HAPSTR1: variants seen among roughly 807,000 people sequenced by gnomAD.
The protein encoded by HAPSTR1 is HUWE1-associated protein modifying stress responses 1.
At chr16:9,092,644 G>C in the HAPSTR1 span, among the ~76,000 whole-genome samples, 1 of 150,438 alleles carries the variant, frequency 6.6e-6, no homozygotes, top group East Asian at 2.0e-4. Flanking sequence ...GCCTCGGGGC[G>C]GGGACTGCCA....
the HAPSTR1 span, chr16:9,112,261 G>T: frequency 1.3e-5 from 2 of 152,232 alleles, no homozygotes; most frequent in East Asian, 3.8e-4. Context: ...TTGTGCAAAA[G>T]GAGTGCTGTG....
chr16:9,102,756 C>G, the HAPSTR1 span, among the ~76,000 whole-genome samples: 6 of 151,730 alleles, frequency 4.0e-5, no homozygotes, highest in Admixed American at 3.3e-4. Flanking sequence ...TTTTAACAAG[C>G]CAAGCTCCAG....
At chr16:9,117,175 A>G in the HAPSTR1 span, 1 of 447,908 alleles carries the variant, frequency 2.2e-6, no homozygotes, top group Non-Finnish European at 4.0e-6. Flanking sequence ...GCAAACATAT[A>G]TCCGTTCCAA....
chr16:9,100,910 C>T, the HAPSTR1 span, among the ~76,000 whole-genome samples: 8 of 152,152 alleles, frequency 5.3e-5, no homozygotes, highest in East Asian at 1.9e-4. Flanking sequence ...GACTTTTTTT[C>T]CTCTGTTTCT....
chr16:9,109,899 G>C, the HAPSTR1 span: 2 of 152,092 alleles, frequency 1.3e-5, no homozygotes, highest in Non-Finnish European at 2.9e-5. Flanking sequence ...TGTGAATTTG[G>C]TGTTAGGAGT....
At chr16:9,119,524 T>C in the HAPSTR1 span, 1 of 152,250 alleles carries the variant, frequency 6.6e-6, no homozygotes, top group Admixed American at 6.5e-5. Context: ...ATCCTTAGAC[T>C]GCAGCGTTCT....
the HAPSTR1 span, chr16:9,120,057 T>C: frequency 6.6e-6 from 1 of 152,368 alleles, no homozygotes; most frequent in Middle Eastern, 3.4e-3. Flanking sequence ...TAGTGGTGAC[T>C]ACGTCAGCAG....
the HAPSTR1 span, chr16:9,102,880 A>G: frequency 8.2e-7 from 1 of 1,212,436 alleles, no homozygotes; most frequent in Non-Finnish European, 1.2e-6. Flanking sequence ...CAGAGGCCAC[A>G]TCATGGTATT....
the HAPSTR1 span, chr16:9,119,798 A>G: frequency 6.6e-6 from 1 of 152,232 alleles, no homozygotes; most frequent in African/African-American, 2.4e-5. Context: ...AGCTTTCTAA[A>G]TGTTTTTTTC....
chr16:9,115,240 C>T, the HAPSTR1 span, among the ~76,000 whole-genome samples: 1 of 152,316 alleles, frequency 6.6e-6, no homozygotes, highest in East Asian at 1.9e-4. Context: ...GACTTTTCAA[C>T]TTAAAATTCA....
the HAPSTR1 span, chr16:9,108,331 AT>A: frequency 6.6e-6 from 1 of 152,036 alleles, no homozygotes; most frequent in African/African-American, 2.4e-5. Context: ...AAAATTTCTA[AT>A]TTTCAATATA....
the HAPSTR1 span, chr16:9,108,149 T>C: frequency 6.6e-6 from 1 of 152,276 alleles, no homozygotes. Flanking sequence ...CAGTGTTTAC[T>C]TTGTAAAAGC....
At chr16:9,107,899 A>G in the HAPSTR1 span, 1 of 152,062 alleles carries the variant, frequency 6.6e-6, no homozygotes. Flanking sequence ...GAACATAGCA[A>G]AGAACCTGAC....
At chr16:9,109,993 G>A in the HAPSTR1 span, 3 of 152,142 alleles carry the variant, frequency 2.0e-5, no homozygotes, top group East Asian at 3.9e-4. Context: ...TAGAGGTTAG[G>A]AGTAGGGGCA....
the HAPSTR1 span, among the ~76,000 whole-genome samples, chr16:9,098,412 G>A: frequency 6.6e-6 from 1 of 152,204 alleles, no homozygotes; most frequent in Non-Finnish European, 1.5e-5. Context: ...AAATACATAA[G>A]TAGCTAGGAG....
At chr16:9,105,619 A>G in the HAPSTR1 span, 6 of 152,202 alleles carry the variant, frequency 3.9e-5, no homozygotes, top group Non-Finnish European at 5.9e-5. Context: ...GAAAACTGTT[A>G]AGGTGCTCTT....
the HAPSTR1 span, among the ~76,000 whole-genome samples, chr16:9,098,888 C>T: frequency 3.7e-4 from 56 of 152,154 alleles, no homozygotes; most frequent in Non-Finnish European, 6.3e-4. Context: ...GACACAAGGC[C>T]CTTTGAACTT....
At chr16:9,105,464 C>T in the HAPSTR1 span, 1 of 152,084 alleles carries the variant, frequency 6.6e-6, no homozygotes, top group Non-Finnish European at 1.5e-5. Context: ...TTTGTGAGAA[C>T]ATCAGTGTAT....
At chr16:9,102,051 G>A in the HAPSTR1 span, among the ~76,000 whole-genome samples, 3 of 152,256 alleles carry the variant, frequency 2.0e-5, no homozygotes, top group Admixed American at 1.3e-4. Context: ...GGCGGAGGTT[G>A]CAGTGAGCTG....
Sources: allele counts gnomAD v4.1 joint callset (sites outside exome capture counted in the v4.1 genomes callset), GRCh38; gene constraint gnomAD v4.1.1; transcripts MANE v1.5; gene names NCBI Gene and HGNC (gene_info 2026-07-23, HGNC 2026-07-21).